The following LRRC45 variants were observed in gnomAD, a reference collection of about 807,000 sequenced individuals.
LRRC45 encodes leucine rich repeat containing 45, also known as leucine-rich repeat-containing protein 45.
A neutral mutation model predicts 85.4 loss-of-function variants in LRRC45; 73 were observed. The ratio of observed to expected loss-of-function variants is 0.85; its 90% CI spans 0.71 to 1.04. The LOEUF (loss-of-function observed/expected upper bound fraction) is 1.04, where lower values mean the gene tolerates loss of function less well. Among genes scored for constraint, LRRC45 ranks in the 50% least tolerant of loss-of-function variants. The pLI, the probability that LRRC45 is intolerant of heterozygous loss-of-function variation, is 0.00. For synonymous variants in LRRC45, 429 were observed against 386.0 expected (o/e 1.11, Z -1.31); for missense variants, 937 against 883.3 (o/e 1.06, Z -0.77).
At chr17:82,028,914 GC>G in intron 12 of LRRC45, 178 bp from the exon 13 acceptor site, 1 of 715,040 alleles carries the variant, frequency 1.4e-6, no homozygotes, top group South Asian at 1.9e-5. Context: ...AGACACCAAG[GC>G]CCACTCGTTC....
At chr17:82,025,247 G>A (rs1274945874) in intron 4 of LRRC45, 69 bp downstream of exon 4, 2 of 1,535,322 alleles carry the variant, frequency 1.3e-6, no homozygotes, top group East Asian at 4.6e-5. Flanking sequence ...GGAAGTGAGG[G>A]GCTAGGGGAC....
rs1360234993 is a variant in LRRC45, at chr17:82,030,176, C to T, written c.1606C>T (p.Arg536Trp). ...GCAGGTGGTGGCCGAGGCCCAGACC[C>T]GGGTCAGCCAGCTGGGCCTGCAAGT... is the stretch of plus-strand genomic sequence containing the variant. ...QKQVVAEAQT[R>W]VSQLGLQVEG... The change falls in exon 15 of 17, where the codon CGG becomes TGG. Residue 536 changes from arginine to tryptophan, a missense_variant. Coordinates refer to ENST00000306688, the MANE Select transcript of LRRC45 (RefSeq NM_144999.4). The T allele has an allele frequency of 1.9e-6, 3 of 1,544,632 alleles. No individual in the cohort carries two copies. Among genetic ancestry groups the T allele is most frequent in the Non-Finnish European group, 2.6e-6 (3 of 1,144,062 alleles).
chr17:82,027,989 G>T, intron 8 of LRRC45, 22 bp from the exon 9 acceptor site: 1 of 1,583,928 alleles, frequency 6.3e-7, no homozygotes, highest in Non-Finnish European at 8.6e-7. Flanking sequence ...CGGGGCGGGG[G>T]TGCTGCCCCT....
chr17:82,026,772 G>A (rs905336803), intron 5 of LRRC45, 127 bp from the exon 6 acceptor site: 1 of 651,326 alleles, frequency 1.5e-6, no homozygotes, highest in Middle Eastern at 3.2e-4. Flanking sequence ...TACAGATGGG[G>A]TTTCACCATG....
intron 5 of LRRC45, among the ~76,000 whole-genome samples, chr17:82,026,564 T>TGTGTGTGTGTGTGTG (rs1555644848): frequency 1.3e-4 from 18 of 137,570 alleles, no homozygotes; most frequent in African/African-American, 4.7e-4. Context: ...CACAGCTCCT[T>TGTGTGTGTGTGTGTG]TGTGTGTGTG....
At position 82,028,147 on chromosome 17, in the gene LRRC45, G is replaced by A. The variant is rs960988930; in HGVS notation, c.1047+1G>A. 1.3e-6 allele frequency: 2 copies of A among 1,565,134 alleles called. No homozygotes were observed. The highest frequency in any genetic ancestry group is 1.4e-5 in the African/African-American group (1 of 73,970). On this transcript the variant is annotated splice_donor_variant, in intron 9 of 16. Transcript: ENST00000306688. LOFTEE classifies it high-confidence loss of function. ...CAAGGAGCTCAAGCTGGAGCAGCAG[G>A]TGGGTGGGCAGGGCTTGAGAGGGGT...
rs922036678 is a variant in LRRC45, at chr17:82,026,981, C to T, written c.744C>T (p.Val248=). The T allele has an allele frequency of 5.0e-6, 8 of 1,605,200 alleles. No individual in the cohort carries two copies. Among genetic ancestry groups the T allele is most frequent in the Non-Finnish European group, 6.8e-6 (8 of 1,178,082 alleles). Residue 248 remains valine (V), a synonymous_variant, in exon 6 of 17, where the codon GTC becomes GTT. Transcript: ENST00000306688. ...GCACTCACGTCCTCAGCAAGGAGGT[C>T]CAGCACCTCCGGGAGGAGAAGTCCA... The part of the protein sequence containing the change: ...QARTHVLSKE[V]QHLREEKSKQ...
intron 12 of LRRC45, 162 bp downstream of exon 12, chr17:82,028,845 T>G: frequency 1.1e-6 from 1 of 872,060 alleles, no homozygotes; most frequent in African/African-American, 1.7e-5. Flanking sequence ...GAACCTCCTA[T>G]TGGGGGCGGC....
chr17:82,027,619 T>C, intron 7 of LRRC45, 55 bp from the exon 8 acceptor site: 1 of 1,574,316 alleles, frequency 6.4e-7, no homozygotes, highest in South Asian at 1.1e-5. Flanking sequence ...GCCAGAGGGG[T>C]ATGGGAGCGC....
At chr17:82,029,900 C>A (rs2043402506) in intron 14 of LRRC45, among the ~76,000 whole-genome samples, 165 bp from the exon 15 acceptor site, 1 of 152,146 alleles carries the variant, frequency 6.6e-6, no homozygotes, top group South Asian at 2.1e-4. Flanking sequence ...AGGAGGAGAG[C>A]CCAGAGGGCA....
rs778963352 is a variant in LRRC45, at chr17:82,028,125, G to A, written c.1026G>A (p.Lys342=). 1 of 1,571,150 alleles carries A rather than the reference G, an allele frequency of 6.4e-7. No individual in the cohort carries two copies. Among genetic ancestry groups the A allele is most frequent in the Non-Finnish European group, 8.6e-7 (1 of 1,159,104 alleles). ...EQLSLSQRQA[K]ELKLEQQEAA... ...TGAGCCTGTCACAGAGGCAGGCCAA[G>A]GAGCTCAAGCTGGAGCAGCAGGTGG... Residue 342 remains lysine (K), a synonymous_variant, in exon 9 of 17, where the codon AAG becomes AAA. Coordinates refer to ENST00000306688, the MANE Select transcript of LRRC45 (RefSeq NM_144999.4).
At chr17:82,027,076 C>A in intron 6 of LRRC45, 65 bp downstream of exon 6, 1 of 1,340,400 alleles carries the variant, frequency 7.5e-7, no homozygotes, top group Non-Finnish European at 1.0e-6. Flanking sequence ...CACGTCCTTC[C>A]TCCCTCAGCC....
Position 82,026,961 on chromosome 17 carries a change from C to CA in LRRC45, c.725dup (p.His242GlnfsTer26), listed in dbSNP as rs1451077298. On this transcript the variant is annotated frameshift_variant, in exon 6 of 17. Transcript: ENST00000306688. LOFTEE classifies it high-confidence loss of function. ...CTTCCAGGAGAACCAAGCCCGCACT[C>CA]ACGTCCTCAGCAAGGAGGTCCAGCA... is the stretch of plus-strand genomic sequence containing the variant. 6.2e-7 allele frequency: 1 copy of CA among 1,608,134 alleles called. No individual in the cohort carries two copies. Among genetic ancestry groups the CA allele is most frequent in the Admixed American group, 1.7e-5 (1 of 59,604 alleles).
In LRRC45 at chr17:82,028,688, C is replaced by T. The variant is rs2043390145; in HGVS notation, c.1308+5C>T. 2 of 1,610,474 alleles carry T rather than the reference C, an allele frequency of 1.2e-6. No individual in the cohort carries two copies. The highest frequency in any genetic ancestry group is 1.7e-6 in the Non-Finnish European group (2 of 1,178,788). On this transcript the variant is annotated splice_donor_5th_base_variant and intron_variant, in intron 12 of 16. Coordinates refer to ENST00000306688, the MANE Select transcript of LRRC45 (RefSeq NM_144999.4). ...GAAAGCCTGCGCATCAAGGAGGTGCCCTCTTCGTTGGCCTCTAATGCGCCT... is the reference window on the plus strand; with the variant it reads ...GAAAGCCTGCGCATCAAGGAGGTGCTCTCTTCGTTGGCCTCTAATGCGCCT...
rs527280688 is a variant in LRRC45, at chr17:82,023,660, G to A, written c.17G>A (p.Arg6His). 4.5e-6 allele frequency: 7 copies of A among 1,541,384 alleles called. No homozygotes were observed. The highest frequency in any genetic ancestry group is 6.1e-6 in the Non-Finnish European group (7 of 1,149,220). Reference protein sequence around the residue: MEEFRRSYSRLCRESG... With the variant: MEEFRHSYSRLCRESG... Reference sequence around the variant, plus strand: ...CCGCGGGTCATGGAGGAGTTCCGGCGCTCCTACAGCCGCCTGTGCAGGGAG... The same window carrying A: ...CCGCGGGTCATGGAGGAGTTCCGGCACTCCTACAGCCGCCTGTGCAGGGAG... Residue 6 changes from arginine to histidine, a missense_variant, in exon 1 of 17, where the codon CGC becomes CAC. Physicochemically the swap from Arg to His is conservative, Grantham distance 29 (BLOSUM62 0). Transcript: ENST00000306688.
intron 7 of LRRC45, 85 bp downstream of exon 7, chr17:82,027,529 G>A (rs1171607507): frequency 1.1e-5 from 18 of 1,583,822 alleles, no homozygotes; most frequent in African/African-American, 2.7e-5. Flanking sequence ...CTGAGCCCAC[G>A]AGTGAGGCCA....
rs756447867 is a variant in LRRC45 at position 82,030,079 on chromosome 17, T to C, written c.1509T>C (p.Ala503=). 4.8e-5 allele frequency: 74 copies of C among 1,545,346 alleles called. No homozygotes were observed. The highest frequency in any genetic ancestry group is 6.4e-5 in the Non-Finnish European group (73 of 1,146,974). ...TGTGCTCACAGCAACAGCGCCTGGC[T>C]CACCTGGAGGACAAGCTGAGACTGC... ...QARLEEQQRL[A]HLEDKLRLLA... The change falls in exon 15 of 17, where the codon GCT becomes GCC. Residue 503 remains alanine, a synonymous_variant. Coordinates refer to ENST00000306688, the MANE Select transcript of LRRC45 (RefSeq NM_144999.4).
Position 82,030,372 on chromosome 17 carries a change from G to A in LRRC45, c.1722G>A (p.Val574=), listed in dbSNP as rs1414029570. ...TGGCCGAGGTGAGCAGGGTGCGCGT[G>A]GAGCTGCAGGAGCAGAACGGCCGGC... ...ERVAEVSRVR[V]ELQEQNGRLQ... is the part of the protein sequence containing the mutation. The change falls in exon 16 of 17, where the codon GTG becomes GTA. Residue 574 remains valine, a synonymous_variant. Transcript: ENST00000306688. 6.5e-7 allele frequency: 1 copy of A among 1,549,908 alleles called. No individual in the cohort carries two copies. Among genetic ancestry groups the A allele is most frequent in the Non-Finnish European group, 8.7e-7 (1 of 1,146,848 alleles).
In LRRC45 at chr17:82,028,140, G is replaced by A. The variant is rs777812169; in HGVS notation, c.1041G>A (p.Glu347=). 1.3e-6 allele frequency: 2 copies of A among 1,566,420 alleles called. No individual in the cohort carries two copies. The highest frequency in any genetic ancestry group is 1.7e-6 in the Non-Finnish European group (2 of 1,156,294). ...SQRQAKELKL[E]QQEAAERESK... is the part of the protein sequence containing the mutation. ...GGCAGGCCAAGGAGCTCAAGCTGGAGCAGCAGGTGGGTGGGCAGGGCTTGA... is the reference window on the plus strand; with the variant it reads ...GGCAGGCCAAGGAGCTCAAGCTGGAACAGCAGGTGGGTGGGCAGGGCTTGA... Residue 347 remains glutamate (E), a synonymous_variant, in exon 9 of 17, where the codon GAG becomes GAA. Coordinates refer to ENST00000306688, the MANE Select transcript of LRRC45 (RefSeq NM_144999.4).
Sources: allele counts gnomAD v4.1 joint callset (sites outside exome capture counted in the v4.1 genomes callset), GRCh38; gene constraint gnomAD v4.1.1; transcripts MANE v1.5; gene names NCBI Gene and HGNC (gene_info 2026-07-23, HGNC 2026-07-21).